The following PTCHD4 variants were observed in gnomAD, a reference collection of about 807,000 sequenced individuals.
PTCHD4 encodes the protein patched domain containing 4.
PTCHD4 carries 33 observed loss-of-function variants against 58.1 expected under a neutral mutation model. The observed-to-expected ratio is 0.57, with a 90% CI of 0.43 to 0.76. PTCHD4 has a LOEUF of 0.76. PTCHD4 is among the 30% of genes least tolerant of loss of function. The pLI is 0.00. For synonymous variants in PTCHD4, 478 were observed against 409.6 expected, an observed-to-expected ratio of 1.17 and a Z score of -2.02; for missense variants, 1,058 against 1,027.1, an observed-to-expected ratio of 1.03 and a Z score of -0.41.
At chr6:47,945,053 G>A (rs1490586651) in intron 4 of PTCHD4, among the ~76,000 whole-genome samples, 2 of 151,980 alleles carry the variant, frequency 1.3e-5, no homozygotes, top group South Asian at 2.1e-4. Flanking sequence ...CAAAGGTGAC[G>A]GAATCCATTT....
intron 4 of PTCHD4, among the ~76,000 whole-genome samples, chr6:47,981,032 A>G (rs1354620476): frequency 6.6e-6 from 1 of 152,082 alleles, no homozygotes; most frequent in South Asian, 2.1e-4. Context: ...GGAAAGGGTC[A>G]TGTGTGCTGT....
intron 4 of PTCHD4, among the ~76,000 whole-genome samples, chr6:47,926,932 C>T (rs1441882371): frequency 6.6e-6 from 1 of 152,206 alleles, no homozygotes; most frequent in Non-Finnish European, 1.5e-5. Context: ...TATTGAAACA[C>T]TTGCACCATT....
chr6:47,940,239 G>C (rs1041555689), intron 4 of PTCHD4, among the ~76,000 whole-genome samples: 1 of 151,566 alleles, frequency 6.6e-6, no homozygotes, highest in African/African-American at 2.4e-5. Context: ...ATTTCACTGG[G>C]TAATGTAACC....
At chr6:48,109,324 T>A (rs980197456) in intron 1 of PTCHD4, among the ~76,000 whole-genome samples, 1 of 152,166 alleles carries the variant, frequency 6.6e-6, no homozygotes, top group Admixed American at 6.6e-5. Flanking sequence ...ATGTCATATA[T>A]GAACATACAA....
intron 4 of PTCHD4, among the ~76,000 whole-genome samples, chr6:47,943,033 T>C (rs146402818): frequency 0.017 from 2,555 of 152,328 alleles, 256 homozygotes; most frequent in Admixed American, 0.15. Context: ...CTTGTTCTAG[T>C]TAATTAGTCT....
intron 1 of PTCHD4, among the ~76,000 whole-genome samples, chr6:48,072,870 ATTGT>A (rs1765000063): frequency 6.6e-6 from 1 of 152,138 alleles, no homozygotes. Flanking sequence ...TGATTTAAAA[ATTGT>A]TTTTCTATAA....
At chr6:48,105,912 T>A (rs1765709054) in intron 1 of PTCHD4, among the ~76,000 whole-genome samples, 1 of 152,198 alleles carries the variant, frequency 6.6e-6, no homozygotes, top group Non-Finnish European at 1.5e-5. Context: ...AGAAGTTGAA[T>A]CTCTGAAGAG....
intron 1 of PTCHD4, among the ~76,000 whole-genome samples, chr6:48,087,553 T>C (rs1440540254): frequency 4.6e-5 from 7 of 152,186 alleles, no homozygotes; most frequent in Admixed American, 2.6e-4. Flanking sequence ...TATTTAATCT[T>C]CAAAATAGTC....
At position 47,875,961 on chromosome 6, in the gene PTCHD4, T is replaced by C. The variant is rs551135243; in HGVS notation, c.*2342A>G. Reference sequence around the variant, plus strand: ...AAAAGGAGTGATAGTTAATTAACTTTCTCAGTGATTATCTCCCATATTTTG... The same window carrying C: ...AAAAGGAGTGATAGTTAATTAACTTCCTCAGTGATTATCTCCCATATTTTG... On this transcript the variant is annotated 3_prime_UTR_variant, in exon 5 of 5. Coordinates refer to ENST00000339488, the MANE Select transcript of PTCHD4 (RefSeq NM_001384253.1). Among the ~76,000 whole-genome samples the C allele has an allele frequency of 3.9e-5, 6 of 151,950 alleles. No homozygotes were observed. Among genetic ancestry groups the C allele is most frequent in the African/African-American group, 1.4e-4 (6 of 41,504 alleles).
At chr6:48,061,911 A>G (rs1332966881) in intron 3 of PTCHD4, among the ~76,000 whole-genome samples, 1 of 152,162 alleles carries the variant, frequency 6.6e-6, no homozygotes, top group Non-Finnish European at 1.5e-5. Context: ...TTAGGGAAGA[A>G]ATAGATCTGC....
chr6:48,073,461 T>G (rs540769933), intron 1 of PTCHD4, among the ~76,000 whole-genome samples: 4 of 152,352 alleles, frequency 2.6e-5, no homozygotes, highest in African/African-American at 9.6e-5. Flanking sequence ...CTCATAGCAG[T>G]ATTCACAAAA....
chr6:48,025,688 A>T (rs1263020333), intron 3 of PTCHD4, among the ~76,000 whole-genome samples: 1 of 152,154 alleles, frequency 6.6e-6, no homozygotes, highest in Non-Finnish European at 1.5e-5. Context: ...TAGCCCTGTA[A>T]TTTGTTACAT....
intron 4 of PTCHD4, among the ~76,000 whole-genome samples, chr6:47,884,877 G>A (rs1411004380): frequency 6.6e-6 from 1 of 152,188 alleles, no homozygotes; most frequent in Non-Finnish European, 1.5e-5. Context: ...AGGCTGATGG[G>A]ATAACATGAA....
At chr6:48,110,046 C>T (rs544330699) in intron 1 of PTCHD4, among the ~76,000 whole-genome samples, 2 of 152,144 alleles carry the variant, frequency 1.3e-5, no homozygotes, top group East Asian at 1.9e-4. Flanking sequence ...TAACACAGCA[C>T]GGAGGTTCCT....
chr6:47,894,777 A>G (rs1420834500), intron 4 of PTCHD4, among the ~76,000 whole-genome samples: 1 of 152,238 alleles, frequency 6.6e-6, no homozygotes, highest in Non-Finnish European at 1.5e-5. Context: ...CTTTCTTTCC[A>G]TCTTGATAAT....
chr6:48,024,443 T>C (rs1763172365), intron 3 of PTCHD4, among the ~76,000 whole-genome samples: 1 of 152,160 alleles, frequency 6.6e-6, no homozygotes, highest in Non-Finnish European at 1.5e-5. Context: ...AGACTCTGCC[T>C]GGTAATTTTA....
chr6:48,077,047 A>T (rs1386992267), intron 1 of PTCHD4, among the ~76,000 whole-genome samples: 1 of 152,228 alleles, frequency 6.6e-6, no homozygotes, highest in African/African-American at 2.4e-5. Flanking sequence ...TACTCAGGCC[A>T]TATTTAGTCT....
At chr6:48,103,191 G>A (rs1406607835) in intron 1 of PTCHD4, among the ~76,000 whole-genome samples, 5 of 152,170 alleles carry the variant, frequency 3.3e-5, no homozygotes, top group Non-Finnish European at 7.3e-5. Context: ...AGCCTAACTG[G>A]GAGACACCCC....
At chr6:47,996,480 C>T (rs1387382058) in intron 4 of PTCHD4, among the ~76,000 whole-genome samples, 1 of 152,010 alleles carries the variant, frequency 6.6e-6, no homozygotes, top group Non-Finnish European at 1.5e-5. Flanking sequence ...CTCCTGCTGG[C>T]TCAACTATTC....
Sources: gnomAD v4.1 joint callset for allele counts (sites outside exome capture counted in the v4.1 genomes callset) on GRCh38, gnomAD v4.1.1 for gene constraint, MANE v1.5 for transcripts, NCBI Gene and HGNC (gene_info 2026-07-23, HGNC 2026-07-21) for gene names.